Variants in XPO6 observed in about 807,000 individuals in gnomAD.
XPO6 encodes the protein exportin 6.
A neutral mutation model predicts 130.0 loss-of-function variants in XPO6; 3 were observed. The observed-to-expected ratio is 0.02, with a 90% CI of 0.01 to 0.06. XPO6 has a LOEUF of 0.06. XPO6 is among the 10% of genes least tolerant of loss of function. The pLI, the probability that XPO6 is intolerant of heterozygous loss-of-function variation, is 1.00. For missense variants in XPO6, 970 were observed against 1,393.0 expected, an observed-to-expected ratio of 0.70 and a Z score of 4.83; for synonymous variants, 524 against 548.9, an observed-to-expected ratio of 0.95 and a Z score of 0.63.
chr16:28,136,942 G>A (rs958140026), intron 9 of XPO6, among the ~76,000 whole-genome samples: 4 of 152,196 alleles, frequency 2.6e-5, no homozygotes, highest in Non-Finnish European at 4.4e-5. Context: ...ACTTTGTTTC[G>A]GTCTGTTAGG....
intron 4 of XPO6, among the ~76,000 whole-genome samples, chr16:28,174,612 C>T (rs2043505270): frequency 6.6e-6 from 1 of 152,128 alleles, no homozygotes; most frequent in African/African-American, 2.4e-5. Flanking sequence ...AAGCACTGTA[C>T]AAAACAAAAC....
intron 2 of XPO6, among the ~76,000 whole-genome samples, chr16:28,180,432 A>G (rs541817897): frequency 6.6e-6 from 1 of 152,320 alleles, no homozygotes; most frequent in South Asian, 2.1e-4. Context: ...GAAGCCCCCA[A>G]AAGTAATACC....
chr16:28,146,379 GA>G, intron 8 of XPO6, 176 bp from the exon 9 acceptor site: 1 of 572,236 alleles, frequency 1.7e-6, no homozygotes, highest in East Asian at 2.8e-5. Context: ...GGGCCCTCCT[GA>G]ACCTTACAAG....
intron 1 of XPO6, among the ~76,000 whole-genome samples, chr16:28,191,279 CTTAA>C (rs1169873927): frequency 2.0e-5 from 3 of 152,034 alleles, no homozygotes; most frequent in Non-Finnish European, 2.9e-5. Context: ...AGTCAGAAGG[CTTAA>C]TTAAACAGCC....
At chr16:28,165,685 C>T (rs941161500) in intron 6 of XPO6, among the ~76,000 whole-genome samples, 1 of 152,316 alleles carries the variant, frequency 6.6e-6, no homozygotes, top group South Asian at 2.1e-4. Context: ...ACTTCCACAG[C>T]CTATCTCCTT....
At chr16:28,112,584 C>A (rs1395994922) in intron 16 of XPO6, among the ~76,000 whole-genome samples, 1 of 152,224 alleles carries the variant, frequency 6.6e-6, no homozygotes, top group Non-Finnish European at 1.5e-5. Context: ...CAACAAAAAC[C>A]AGACTGCTTT....
chr16:28,196,325 T>C (rs1400609029), intron 1 of XPO6, among the ~76,000 whole-genome samples: 1 of 152,180 alleles, frequency 6.6e-6, no homozygotes, highest in East Asian at 1.9e-4. Context: ...GGAAGGACCA[T>C]ATAGTGTATG....
At chr16:28,153,606 CA>C in intron 7 of XPO6, 4 of 985,412 alleles carry the variant, frequency 4.1e-6, no homozygotes, top group Non-Finnish European at 4.8e-6. Flanking sequence ...ATTAAATACA[CA>C]GCACATCATC....
At chr16:28,120,186 A>AATC (rs956886226) in intron 14 of XPO6, among the ~76,000 whole-genome samples, 11 of 151,706 alleles carry the variant, frequency 7.3e-5, no homozygotes, top group East Asian at 1.9e-4. Context: ...TAATAATAAT[A>AATC]ATCATCATCA....
At chr16:28,196,450 T>C (rs2043865007) in intron 1 of XPO6, among the ~76,000 whole-genome samples, 1 of 152,326 alleles carries the variant, frequency 6.6e-6, no homozygotes, top group African/African-American at 2.4e-5. Flanking sequence ...GGGTACAGGT[T>C]TCCTCTGGAG....
rs1312699714 is a variant in XPO6, at chr16:28,106,505, A to G, written c.2498-8T>C. Reference sequence around the variant, plus strand: ...GCATCTCATCAGTCACATCTGAGGAAAGGGGCAGAGATATCGTCAGAGGCT... The same window carrying G: ...GCATCTCATCAGTCACATCTGAGGAGAGGGGCAGAGATATCGTCAGAGGCT... On this transcript the variant is annotated splice_polypyrimidine_tract_variant and splice_region_variant and intron_variant, in intron 18 of 23. Coordinates refer to ENST00000304658, the MANE Select transcript of XPO6 (RefSeq NM_015171.4). The surrounding 1 kb of genome is among the most constrained non-coding windows in gnomAD (Gnocchi z 4.2). 3.1e-6 allele frequency: 5 copies of G among 1,610,504 alleles called. No homozygotes were observed. The highest frequency in any genetic ancestry group is 4.2e-6 in the Non-Finnish European group (5 of 1,177,032).
At chr16:28,153,359 ACTGGGCAAGCC>A in intron 7 of XPO6, 2 of 985,764 alleles carry the variant, frequency 2.0e-6, no homozygotes, top group Non-Finnish European at 2.4e-6. Flanking sequence ...GGCTATTAGA[ACTGGGCAAGCC>A]TCAGGGACTT....
intron 9 of XPO6, among the ~76,000 whole-genome samples, chr16:28,145,715 A>G (rs1396695647): frequency 6.6e-6 from 1 of 152,212 alleles, no homozygotes; most frequent in African/African-American, 2.4e-5. Flanking sequence ...ACACATGGGC[A>G]GCCTGTTTCT....
chr16:28,132,526 C>A lies in XPO6; in HGVS notation c.1537-123G>T. The A allele has an allele frequency of 1.5e-6, 1 of 645,664 alleles. No homozygotes were observed. The allele number at this position is 645,664 out of a possible 1,614,324, so 40.0% of individuals were successfully genotyped here. On this transcript the variant is annotated intron_variant, in intron 11 of 23. Transcript: ENST00000304658. The surrounding 1 kb of genome is among the most constrained non-coding windows in gnomAD (Gnocchi z 4.0). The stretch of plus-strand genomic sequence containing the variant: ...GAGGAACAGGATCAAAACCTTTTCT[C>A]TGGGAACCTTTAAATGCAGCTAAAA...
rs2044131692 is a variant in XPO6 at position 28,211,509 on chromosome 16, G to A, written c.-141C>T. On this transcript the variant is annotated 5_prime_UTR_variant, in exon 1 of 24. Coordinates refer to ENST00000304658, the MANE Select transcript of XPO6 (RefSeq NM_015171.4). The stretch of plus-strand genomic sequence containing the variant: ...GACAACCCCTTCCCCACCGGGCCCC[G>A]AGGGGACCCTCTAAAAAGGGCAGGG... The A allele has an allele frequency of 9.7e-7, 1 of 1,033,216 alleles. No individual in the cohort carries two copies. Among genetic ancestry groups the A allele is most frequent in the Non-Finnish European group, 1.3e-6 (1 of 790,714 alleles). 64.0% of individuals were successfully genotyped at this position (1,033,216 alleles called of 1,614,324 possible).
chr16:28,184,381 G>A (rs2043661721), intron 1 of XPO6, among the ~76,000 whole-genome samples: 1 of 152,146 alleles, frequency 6.6e-6, no homozygotes, highest in Non-Finnish European at 1.5e-5. Flanking sequence ...ATTCCAGTTG[G>A]ATTGTAGATA....
chr16:28,125,228 C>T (rs2087364904), intron 13 of XPO6, among the ~76,000 whole-genome samples: 2 of 152,180 alleles, frequency 1.3e-5, no homozygotes. Context: ...AAAAAGCACC[C>T]TGTGCATCTA....
rs2023770 is a variant in XPO6, at chr16:28,123,629, G to A, written c.1767-1867C>T. ...AAAGCAATCAAAAAGGAGCACTTCC[G>A]GTCAGTCAAGAAAGTGAGGGCAAAA... On this transcript the variant is annotated intron_variant, in intron 13 of 23. Transcript: ENST00000304658. Among the ~76,000 whole-genome samples the A allele has an allele frequency of 4.5e-4, 69 of 152,202 alleles. 1 individual carries two copies. In the South Asian group the frequency reaches 0.013, roughly 28 times the overall value.
At chr16:28,163,882 C>A (rs998114112) in intron 6 of XPO6, among the ~76,000 whole-genome samples, 5 of 152,196 alleles carry the variant, frequency 3.3e-5, no homozygotes, top group Admixed American at 6.5e-5. Context: ...CAACCCCTGG[C>A]AAGCTTCCTT....
Sources: allele counts gnomAD v4.1 joint callset (sites outside exome capture counted in the v4.1 genomes callset), GRCh38; gene constraint gnomAD v4.1.1; non-coding constraint Gnocchi (gnomAD v3.1); transcripts MANE v1.5; gene names NCBI Gene and HGNC (gene_info 2026-07-23, HGNC 2026-07-21).